The following TG variants were observed in gnomAD, a reference collection of about 807,000 sequenced individuals.
TG encodes the protein thyroglobulin.
TG carries 270 observed loss-of-function variants against 324.7 expected under a neutral mutation model. That is an observed-to-expected ratio of 0.83 (90% CI 0.75 to 0.92). TG has a LOEUF of 0.92. Ranked by LOEUF, TG falls within the 40% of genes least tolerant of loss-of-function variation. The probability of loss-of-function intolerance (pLI) is 0.00; values close to 1 mark genes in which losing one functional copy is unlikely to be tolerated. For synonymous variants in TG, 1,401 were observed against 1,327.0 expected (o/e 1.06, Z -1.21); for missense variants, 3,591 against 3,456.4 (o/e 1.04, Z -0.98).
intron 41 of TG, among the ~76,000 whole-genome samples, chr8:133,079,221 A>G (rs1357090898): frequency 6.6e-6 from 1 of 152,212 alleles, no homozygotes; most frequent in Admixed American, 6.5e-5. Flanking sequence ...TTAGGACTCA[A>G]AAAGACACCC....
At chr8:133,082,146 G>A (rs1845844222) in intron 41 of TG, among the ~76,000 whole-genome samples, 1 of 152,154 alleles carries the variant, frequency 6.6e-6, no homozygotes, top group East Asian at 1.9e-4. Context: ...TGGTGTTGGT[G>A]GTGTTGGGTG....
intron 40 of TG, among the ~76,000 whole-genome samples, chr8:133,026,096 C>T (rs990815315): frequency 6.6e-6 from 1 of 152,200 alleles, no homozygotes; most frequent in Non-Finnish European, 1.5e-5. Flanking sequence ...TTTCCTGGCC[C>T]AGTATCTAGC....
In TG at chr8:132,868,282, T is replaced by C; in HGVS notation, c.176+59T>C. On this transcript the variant is annotated intron_variant, in intron 2 of 47. Coordinates refer to ENST00000220616, the MANE Select transcript of TG (RefSeq NM_003235.5). ...CCAAGATGCCATAAAAAGCATCTTG[T>C]GCCTTCCCCCCTCTTCCTGAGCTCT... 2.0e-6 allele frequency: 3 copies of C among 1,483,928 alleles called. No individual in the cohort carries two copies. The South Asian group carries it at 3.4e-5, about 17-fold the overall frequency. The allele number at this position is 1,483,928 out of a possible 1,614,324, so 91.9% of individuals were successfully genotyped here. A position where few individuals can be genotyped will look rare whatever the true frequency, so the allele number is the denominator to read the frequency against.
intron 41 of TG, chr8:133,060,192 G>T: frequency 1.2e-6 from 2 of 1,613,450 alleles, no homozygotes; most frequent in Non-Finnish European, 8.5e-7. Context: ...CGCTGGTGAT[G>T]CCCAGAGCCT....
intron 35 of TG, among the ~76,000 whole-genome samples, chr8:133,009,216 T>C (rs1834280101): frequency 6.6e-6 from 1 of 152,232 alleles, no homozygotes; most frequent in African/African-American, 2.4e-5. Context: ...AACCCTTTCA[T>C]AGAACTTCTC....
chr8:133,102,477 C>A (rs1269014037), intron 43 of TG: 1 of 1,340,002 alleles, frequency 7.5e-7, no homozygotes, highest in Non-Finnish European at 1.0e-6. Flanking sequence ...CCTCTGAAGA[C>A]CCTCCCCCAC....
chr8:132,937,960 T>C (rs2739065), intron 25 of TG, among the ~76,000 whole-genome samples: 102,226 of 152,048 alleles, frequency 0.67, 34,744 homozygotes, highest in East Asian at 0.76. Flanking sequence ...GCAGAAGATG[T>C]GCCCGGCAGC....
At position 132,886,744 on chromosome 8, in the gene TG, C is replaced by T. The variant is rs1815480656; in HGVS notation, c.1372C>T (p.Leu458Phe). ...FPSRGLARLA[L>F]QFTTNPKRLQ... is the part of the protein sequence containing the mutation. The stretch of plus-strand genomic sequence containing the variant: ...CTCCCGAGGGCTGGCTCGTCTTGCC[C>T]TTCAGTTTACCACCAACCCAAAGAG... The change falls in exon 9 of 48, where the codon CTT becomes TTT. Residue 458 changes from leucine to phenylalanine, a missense_variant. Physicochemically the swap from Leu to Phe is conservative, Grantham distance 22. Coordinates refer to ENST00000220616, the MANE Select transcript of TG (RefSeq NM_003235.5). 1 of 1,614,102 alleles carries T rather than the reference C, an allele frequency of 6.2e-7. No homozygotes were observed. Among genetic ancestry groups the T allele is most frequent in the African/African-American group, 1.3e-5 (1 of 74,934 alleles).
intron 45 of TG, among the ~76,000 whole-genome samples, chr8:133,125,893 A>G (rs10106542): frequency 0.017 from 2,566 of 152,328 alleles, 68 homozygotes; most frequent in African/African-American, 0.059. Context: ...TGTGATGAGA[A>G]GGCATTGCAG....
chr8:132,870,092 C>T (rs1478108311), intron 3 of TG, among the ~76,000 whole-genome samples: 1 of 152,156 alleles, frequency 6.6e-6, no homozygotes, highest in Non-Finnish European at 1.5e-5. Context: ...GAACAGACAT[C>T]AACATCTCCT....
At chr8:132,868,082 C>T (rs1241259717) in intron 1 of TG, 33 bp from the exon 2 acceptor site, 1 of 1,600,138 alleles carries the variant, frequency 6.2e-7, no homozygotes, top group Non-Finnish European at 8.6e-7. Context: ...CCAGTCCACA[C>T]TCTTCTTTGA....
intron 35 of TG, chr8:133,001,781 A>T: frequency 1.0e-6 from 1 of 985,442 alleles, no homozygotes; most frequent in Non-Finnish European, 1.2e-6. Context: ...AGGGATCATG[A>T]AGGTTTGCTG....
intron 35 of TG, among the ~76,000 whole-genome samples, chr8:133,011,251 A>C (rs1471134608): frequency 1.3e-5 from 2 of 151,836 alleles, no homozygotes; most frequent in African/African-American, 2.4e-5. Flanking sequence ...ACCTTTATCT[A>C]CCCCCATGGA....
chr8:132,976,309 A>G (rs1050491921), intron 34 of TG, among the ~76,000 whole-genome samples: 2 of 152,168 alleles, frequency 1.3e-5, no homozygotes, highest in African/African-American at 4.8e-5. Flanking sequence ...GCATCATTCC[A>G]TGGGGAAAGG....
At chr8:133,116,430 A>G (rs1850691498) in intron 44 of TG, among the ~76,000 whole-genome samples, 179 bp from the exon 45 acceptor site, 1 of 152,138 alleles carries the variant, frequency 6.6e-6, no homozygotes, top group African/African-American at 2.4e-5. Context: ...TTTCCCATCA[A>G]TGTGGCAGTG....
In TG at chr8:133,013,842, T is replaced by C. The variant is rs1052189309; in HGVS notation, c.6562+78T>C. ...AGGGACTATTTAAACACTTGGTGAG[T>C]TGGAGGACAGTGGCTTTTGTTGGCC... On this transcript the variant is annotated intron_variant, in intron 37 of 47. Coordinates refer to ENST00000220616, the MANE Select transcript of TG (RefSeq NM_003235.5). The C allele has an allele frequency of 5.8e-6, 9 of 1,540,858 alleles. No homozygotes were observed. The African/African-American group carries it at 1.1e-4, about 19-fold the overall frequency.
intron 41 of TG, among the ~76,000 whole-genome samples, chr8:133,086,465 G>T (rs971352924): frequency 6.6e-6 from 1 of 151,902 alleles, no homozygotes; most frequent in African/African-American, 2.4e-5. Context: ...CTTTAATACG[G>T]ATGTTCATGT....
intron 35 of TG, among the ~76,000 whole-genome samples, chr8:132,985,721 G>A (rs370202072): frequency 1.1e-4 from 17 of 152,212 alleles, no homozygotes; most frequent in Admixed American, 4.6e-4. Flanking sequence ...CTCATCAAAG[G>A]CCTGGGGAGC....
intron 35 of TG, among the ~76,000 whole-genome samples, chr8:132,991,364 A>G (rs1356282640): frequency 6.6e-6 from 1 of 151,934 alleles, no homozygotes; most frequent in East Asian, 1.9e-4. Context: ...TTACTACTAT[A>G]GGCACTGGGC....
Sources: allele counts gnomAD v4.1 joint callset (sites outside exome capture counted in the v4.1 genomes callset), GRCh38; gene constraint gnomAD v4.1.1; transcripts MANE v1.5; gene names NCBI Gene and HGNC (gene_info 2026-07-23, HGNC 2026-07-21).